SINHCAF: variants seen among roughly 807,000 people sequenced by gnomAD.
SINHCAF encodes SIN3-HDAC complex-associated factor.
Under a neutral mutation model 25.8 loss-of-function variants are expected in SINHCAF, and 3 were observed. The observed-to-expected ratio is 0.12, with a 90% CI of 0.05 to 0.30. The LOEUF is 0.30. Among genes scored for constraint, SINHCAF ranks in the 10% least tolerant of loss-of-function variants. The pLI is 1.00. For missense variants in SINHCAF, 121 were observed against 262.3 expected (o/e 0.46, Z 3.72); for synonymous variants, 70 against 85.5 (o/e 0.82, Z 1.00).
At chr12:31,295,536 C>T (rs1044564837) in intron 2 of SINHCAF, among the ~76,000 whole-genome samples, 5 of 152,094 alleles carry the variant, frequency 3.3e-5, no homozygotes, top group Admixed American at 1.3e-4. Flanking sequence ...ATTCTATGTA[C>T]GGCAATTTGG....
Position 31,324,594 on chromosome 12 carries a change from G to A in SINHCAF, c.-21+1430C>T. 1 of 213,256 alleles carries A rather than the reference G, an allele frequency of 4.7e-6. No individual in the cohort carries two copies. Among genetic ancestry groups the A allele is most frequent in the Non-Finnish European group, 9.7e-6 (1 of 102,724 alleles). The allele number at this position is 213,256 out of a possible 1,614,324, so 13.2% of individuals were successfully genotyped here. A position where few individuals can be genotyped will look rare whatever the true frequency, so the allele number is the denominator to read the frequency against. ...AACTTCGAGGGCCTCCGACCTGCAC[G>A]GCCCTACGCCCAGGCGGCGGCCCCG... On this transcript the variant is annotated intron_variant, in intron 1 of 5. Coordinates refer to ENST00000337682, the MANE Select transcript of SINHCAF (RefSeq NM_001135812.2). The surrounding 1 kb of genome is among the most constrained non-coding windows in gnomAD (Gnocchi z 5.5).
chr12:31,309,127 CAAAAAAAAAA>C (rs757095598), intron 1 of SINHCAF, among the ~76,000 whole-genome samples: 4 of 75,428 alleles, frequency 5.3e-5, no homozygotes, highest in East Asian at 3.7e-4. Flanking sequence ...GATTCTGTCT[CAAAAAAAAAA>C]AAAAAAAAAA....
intron 4 of SINHCAF, among the ~76,000 whole-genome samples, chr12:31,288,139 T>G (rs1300097565): frequency 6.6e-6 from 1 of 151,998 alleles, no homozygotes; most frequent in Admixed American, 6.6e-5. Context: ...TCCTTTTGCC[T>G]CATAATCCCC....
At position 31,298,061 on chromosome 12, in the gene SINHCAF, C is replaced by T. The variant is rs1938618768; in HGVS notation, c.128+16G>A. On this transcript the variant is annotated intron_variant, in intron 2 of 5. Transcript: ENST00000337682. ...TTTTTCACTCTAAGAATAGTACAAA[C>T]ATCAGGTGATCTTACCCAAAACAGC... 6.2e-7 allele frequency: 1 copy of T among 1,612,394 alleles called. No homozygotes were observed. The highest frequency in any genetic ancestry group is 1.3e-5 in the African/African-American group (1 of 74,872).
At chr12:31,292,665 G>A (rs764567575) in intron 4 of SINHCAF, among the ~76,000 whole-genome samples, 11 of 151,932 alleles carry the variant, frequency 7.2e-5, no homozygotes, top group South Asian at 4.2e-4. Context: ...CACTTATTAA[G>A]TGGCCCAGAT....
chr12:31,325,401 G>A lies in SINHCAF; in HGVS notation c.-21+623C>T. The A allele has an allele frequency of 2.7e-6, 1 of 373,498 alleles. No individual in the cohort carries two copies. Among genetic ancestry groups the A allele is most frequent in the South Asian group, 2.0e-5 (1 of 51,180 alleles). The allele number at this position is 373,498 out of a possible 1,614,324, so 23.1% of individuals were successfully genotyped here. ...AACAACGCCACGCCGCGTGCGCTCC[G>A]GCAGAGCCCAGCACTGACCCCCAAA... is the stretch of plus-strand genomic sequence containing the variant. On this transcript the variant is annotated intron_variant, in intron 1 of 5. Coordinates refer to ENST00000337682, the MANE Select transcript of SINHCAF (RefSeq NM_001135812.2). The surrounding 1 kb of genome is among the most constrained non-coding windows in gnomAD (Gnocchi z 5.9).
chr12:31,283,855 T>TACAC (rs57162055), intron 5 of SINHCAF, among the ~76,000 whole-genome samples: 18,674 of 140,388 alleles, frequency 0.13, 1,235 homozygotes, highest in Middle Eastern at 0.14. Context: ...AGTTATCCAT[T>TACAC]ACACACACAC....
rs1939895914 is a variant in SINHCAF, at chr12:31,324,899, T to C, written c.-21+1125A>G. The C allele has an allele frequency of 2.2e-6, 1 of 449,590 alleles. No individual in the cohort carries two copies. Among genetic ancestry groups the C allele is most frequent in the African/African-American group, 2.0e-5 (1 of 49,926 alleles). 27.9% of individuals were successfully genotyped at this position (449,590 alleles called of 1,614,324 possible). On this transcript the variant is annotated intron_variant, in intron 1 of 5. Coordinates refer to ENST00000337682, the MANE Select transcript of SINHCAF (RefSeq NM_001135812.2). The surrounding 1 kb of genome is among the most constrained non-coding windows in gnomAD (Gnocchi z 5.5). ...CGGGCGGAGAGTTGGCGACTTTCAC[T>C]CTGCTTTTTAAACTGGCAAGACGCC...
At chr12:31,287,464 A>G (rs1938127683) in intron 5 of SINHCAF, among the ~76,000 whole-genome samples, 170 bp downstream of exon 5, 1 of 152,220 alleles carries the variant, frequency 6.6e-6, no homozygotes. Flanking sequence ...ATAAATTTTA[A>G]TAGGAAGAAC....
rs1343753185 is a variant in SINHCAF at position 31,326,108 on chromosome 12, C to G, written c.-105G>C. ...GCCAGTCCCCCTCAAGCGCTCCCTC[C>G]TCCTCAACTGCCTTGTCTAGAAAGA... On this transcript the variant is annotated 5_prime_UTR_variant, in exon 1 of 6. Coordinates refer to ENST00000337682, the MANE Select transcript of SINHCAF (RefSeq NM_001135812.2). 6.6e-6 allele frequency: 1 copy of G among 152,332 alleles called. No individual in the cohort carries two copies. Among genetic ancestry groups the G allele is most frequent in the Non-Finnish European group, 1.5e-5 (1 of 68,118 alleles). The allele number at this position is 152,332 out of a possible 1,614,324, so 9.4% of individuals were successfully genotyped here. A position where few individuals can be genotyped will look rare whatever the true frequency, so the allele number is the denominator to read the frequency against.
At chr12:31,287,815 T>A (rs995628173) in intron 4 of SINHCAF, 31 bp from the exon 5 acceptor site, 2 of 1,537,104 alleles carry the variant, frequency 1.3e-6, no homozygotes, top group Non-Finnish European at 1.8e-6. Flanking sequence ...AAAAATAAAA[T>A]TTTCAATTTC....
chr12:31,289,479 C>A (rs1053459863), intron 4 of SINHCAF, among the ~76,000 whole-genome samples: 2 of 152,192 alleles, frequency 1.3e-5, no homozygotes, highest in Non-Finnish European at 2.9e-5. Context: ...AAAGGCAGTT[C>A]ATTAGATGCA....
At chr12:31,286,281 CTT>C (rs1365373565) in intron 5 of SINHCAF, among the ~76,000 whole-genome samples, 2 of 147,076 alleles carry the variant, frequency 1.4e-5, no homozygotes, top group Admixed American at 6.8e-5. Flanking sequence ...TTTGCTAAAA[CTT>C]TTTTTTTTTT....
rs145585782 is a variant in SINHCAF, at chr12:31,311,591, G to A, written c.-20-13367C>T. 94 of 311,970 alleles carry A rather than the reference G, an allele frequency of 3.0e-4. No homozygotes were observed. The East Asian group carries it at 5.8e-3, about 19-fold the overall frequency. The allele number at this position is 311,970 out of a possible 1,614,324, so 19.3% of individuals were successfully genotyped here. A position where few individuals can be genotyped will look rare whatever the true frequency, so the allele number is the denominator to read the frequency against. On this transcript the variant is annotated intron_variant, in intron 1 of 5. Coordinates refer to ENST00000337682, the MANE Select transcript of SINHCAF (RefSeq NM_001135812.2). The stretch of plus-strand genomic sequence containing the variant: ...ATGAGCAAGCCAGTGAGTGGGTCCC[G>A]CAGCCCCCTGGACCCAGGGCCAAGC...
chr12:31,323,843 G>A, intron 1 of SINHCAF: 1 of 430,120 alleles, frequency 2.3e-6, no homozygotes, highest in Non-Finnish European at 4.8e-6. Context: ...TGGACTTGCG[G>A]GCCACAGCTC....
chr12:31,287,355 ACT>A (rs1195108492), intron 5 of SINHCAF, among the ~76,000 whole-genome samples: 1 of 150,846 alleles, frequency 6.6e-6, no homozygotes, highest in Non-Finnish European at 1.5e-5. Flanking sequence ...TGAAGGACCA[ACT>A]CTTAGTTTTA....
At chr12:31,319,602 G>A (rs1370502019) in intron 1 of SINHCAF, among the ~76,000 whole-genome samples, 2 of 152,174 alleles carry the variant, frequency 1.3e-5, no homozygotes. Flanking sequence ...ACAAAGATCG[G>A]CACAAGGTAT....
chr12:31,306,192 T>C (rs916914505), intron 1 of SINHCAF, among the ~76,000 whole-genome samples: 3 of 152,198 alleles, frequency 2.0e-5, no homozygotes, highest in African/African-American at 4.8e-5. Context: ...CATATTTATA[T>C]GCTTAAGATG....
At chr12:31,304,273 TTGTTTAAAACA>T (rs1372085244) in intron 1 of SINHCAF, 3 of 152,224 alleles carry the variant, frequency 2.0e-5, no homozygotes, top group African/African-American at 7.2e-5. Flanking sequence ...AATAGGTAAG[TTGTTTAAAACA>T]TGAGTGAGCC....
Sources: allele counts gnomAD v4.1 joint callset (sites outside exome capture counted in the v4.1 genomes callset), GRCh38; gene constraint gnomAD v4.1.1; non-coding constraint Gnocchi (gnomAD v3.1); transcripts MANE v1.5; gene names NCBI Gene and HGNC (gene_info 2026-07-23, HGNC 2026-07-21).